TNIK: variants seen among roughly 807,000 people sequenced by gnomAD.
TNIK encodes the protein TRAF2 and NCK interacting kinase, also known as TRAF2 and NCK-interacting protein kinase.
TNIK carries 49 observed loss-of-function variants against 191.3 expected under a neutral mutation model. That is an observed-to-expected ratio of 0.26 (90% confidence interval 0.20 to 0.32). The LOEUF (loss-of-function observed/expected upper bound fraction) is 0.32, where lower values mean the gene tolerates loss of function less well. Among genes scored for constraint, TNIK ranks in the 10% least tolerant of loss-of-function variants. The pLI, the probability that TNIK is intolerant of heterozygous loss-of-function variation, is 1.00. For missense variants in TNIK, 1,155 were observed against 1,702.3 expected (o/e 0.68, Z 5.66); for synonymous variants, 594 against 600.9 (o/e 0.99, Z 0.17).
chr3:171,200,565 T>C (rs1175778518), intron 4 of TNIK, among the ~76,000 whole-genome samples: 1 of 152,272 alleles, frequency 6.6e-6, no homozygotes, highest in East Asian at 1.9e-4. Context: ...TTCCTGTGCT[T>C]CTCCCCTCTC....
At chr3:171,349,740 A>G (rs1712830104) in intron 2 of TNIK, among the ~76,000 whole-genome samples, 1 of 152,212 alleles carries the variant, frequency 6.6e-6, no homozygotes. Flanking sequence ...TTTGATGTAA[A>G]GGATATTTTC....
chr3:171,323,739 C>CT (rs1755433882), intron 2 of TNIK, among the ~76,000 whole-genome samples: 1 of 152,116 alleles, frequency 6.6e-6, no homozygotes. Context: ...AGATACTGCA[C>CT]AGGAATCCAA....
At chr3:171,102,807 C>A (rs571646987) in intron 21 of TNIK, among the ~76,000 whole-genome samples, 21 of 152,260 alleles carry the variant, frequency 1.4e-4, no homozygotes, top group Admixed American at 1.2e-3. Flanking sequence ...ATTAGAGCAA[C>A]CTGGGTGATG....
chr3:171,174,688 G>C (rs1735755941), intron 9 of TNIK, among the ~76,000 whole-genome samples: 1 of 152,112 alleles, frequency 6.6e-6, no homozygotes, highest in Non-Finnish European at 1.5e-5. Context: ...TTAAGCCACT[G>C]TTTTATGTAA....
At chr3:171,358,827 C>T (rs1242568295) in intron 2 of TNIK, among the ~76,000 whole-genome samples, 1 of 152,092 alleles carries the variant, frequency 6.6e-6, no homozygotes, top group Non-Finnish European at 1.5e-5. Flanking sequence ...GACATGCAGA[C>T]CCATTTCAAG....
Position 171,396,521 on chromosome 3 carries a change from G to A in TNIK, c.58-26836C>T, listed in dbSNP as rs559308473. ...TGGCAATTGTTTAACCTTTTGAGAA[G>A]CTGAACTCACCAGCTTTTATACTGA... On this transcript the variant is annotated intron_variant, in intron 1 of 32. Transcript: ENST00000436636. Among the ~76,000 whole-genome samples, 11 of 152,296 alleles carry A rather than the reference G, an allele frequency of 7.2e-5. No homozygotes were observed. The East Asian group carries it at 2.1e-3, about 29-fold the overall frequency.
At chr3:171,426,220 C>T (rs1037009239) in intron 1 of TNIK, among the ~76,000 whole-genome samples, 2 of 151,814 alleles carry the variant, frequency 1.3e-5, no homozygotes, top group Admixed American at 6.6e-5. Flanking sequence ...GAATACAATG[C>T]AGCCATAAAA....
intron 2 of TNIK, among the ~76,000 whole-genome samples, chr3:171,273,678 T>A (rs1749396053): frequency 6.6e-6 from 1 of 152,164 alleles, no homozygotes; most frequent in African/African-American, 2.4e-5. Flanking sequence ...ACTTTTTAAC[T>A]CTGAGAGTCT....
At chr3:171,301,483 T>C (rs1285515628) in intron 2 of TNIK, among the ~76,000 whole-genome samples, 1 of 151,956 alleles carries the variant, frequency 6.6e-6, no homozygotes, top group East Asian at 1.9e-4. Context: ...CCTGGCCAAT[T>C]TTTGTATTTT....
At chr3:171,294,304 T>C (rs1444657820) in intron 2 of TNIK, among the ~76,000 whole-genome samples, 3 of 151,766 alleles carry the variant, frequency 2.0e-5, no homozygotes, top group Non-Finnish European at 4.4e-5. Flanking sequence ...ATGCCTGTAA[T>C]CCTAGATACT....
At chr3:171,314,947 T>C (rs9883945) in intron 2 of TNIK, among the ~76,000 whole-genome samples, 2,886 of 152,220 alleles carry the variant, frequency 0.019, 107 homozygotes, top group African/African-American at 0.067. Flanking sequence ...AATTCCTGAG[T>C]GCTAGGGAAC....
At chr3:171,167,795 G>A (rs1734785006) in intron 9 of TNIK, among the ~76,000 whole-genome samples, 1 of 152,196 alleles carries the variant, frequency 6.6e-6, no homozygotes, top group African/African-American at 2.4e-5. Flanking sequence ...GGTTGGATAG[G>A]TAACAGGGAG....
intron 12 of TNIK, among the ~76,000 whole-genome samples, chr3:171,146,078 C>T (rs1053008438): frequency 6.6e-6 from 1 of 152,150 alleles, no homozygotes; most frequent in Non-Finnish European, 1.5e-5. Flanking sequence ...TGATGGACAA[C>T]ATGAATCTCA....
intron 3 of TNIK, among the ~76,000 whole-genome samples, chr3:171,220,262 G>A (rs1742133952): frequency 6.6e-6 from 1 of 152,118 alleles, no homozygotes. Context: ...GGCAAGGGGA[G>A]GGAGAGCATT....
At chr3:171,427,808 C>T (rs762813655) in intron 1 of TNIK, among the ~76,000 whole-genome samples, 18 of 152,104 alleles carry the variant, frequency 1.2e-4, no homozygotes, top group Non-Finnish European at 2.4e-4. Flanking sequence ...AGGTGATAAG[C>T]GCCATGGAGT....
intron 1 of TNIK, among the ~76,000 whole-genome samples, chr3:171,441,088 T>G (rs1055269221): frequency 6.6e-6 from 1 of 152,190 alleles, no homozygotes; most frequent in African/African-American, 2.4e-5. Context: ...TCTCCAGGTG[T>G]TGAAGAGATG....
intron 1 of TNIK, among the ~76,000 whole-genome samples, chr3:171,382,562 G>A (rs998498265): frequency 2.0e-5 from 3 of 152,092 alleles, no homozygotes; most frequent in Admixed American, 2.0e-4. Context: ...CATGTTATAG[G>A]ATGGCACTTC....
chr3:171,268,339 G>T (rs61792446), intron 2 of TNIK, among the ~76,000 whole-genome samples: 1 of 151,666 alleles, frequency 6.6e-6, no homozygotes, highest in Non-Finnish European at 1.5e-5. Flanking sequence ...CATCCCCCAC[G>T]TAATATCTGA....
In TNIK at chr3:171,157,540, C is replaced by T; in HGVS notation, c.1141G>A (p.Glu381Lys). Residue 381 changes from glutamate to lysine, a missense_variant, in exon 12 of 33, where the codon GAG becomes AAG. Coordinates refer to ENST00000436636, the MANE Select transcript of TNIK (RefSeq NM_015028.4). The stretch of plus-strand genomic sequence containing the variant: ...GCCAGCAGCTGCCGCTTGTGCTCCT[C>T]ATTCTCCCGCTGCTGCTGCTCCAGC... ...QQLEQQQREN[E>K]EHKRQLLAER... The T allele has an allele frequency of 6.4e-7, 1 of 1,567,616 alleles. No homozygotes were observed. The highest frequency in any genetic ancestry group is 2.4e-5 in the East Asian group (1 of 42,004).
Sources: gnomAD v4.1 joint callset for allele counts (sites outside exome capture counted in the v4.1 genomes callset) on GRCh38, gnomAD v4.1.1 for gene constraint, MANE v1.5 for transcripts, NCBI Gene and HGNC (gene_info 2026-07-23, HGNC 2026-07-21) for gene names.